MCUR1: variants seen among roughly 807,000 people sequenced by gnomAD.
MCUR1 encodes the protein MCU regulator 1.
MCUR1 carries 37 observed loss-of-function variants against 42.0 expected under a neutral mutation model. That is an observed-to-expected ratio of 0.88 (90% CI 0.68 to 1.16). MCUR1 has a LOEUF of 1.16. MCUR1 is among the 50% of genes most tolerant of loss of function. The pLI is 0.00. For synonymous variants in MCUR1, 229 were observed against 196.2 expected (o/e 1.17, Z -1.40); for missense variants, 469 against 468.4 (o/e 1.00, Z -0.01).
chr6:13,809,703 G>C (rs1355799744), intron 1 of MCUR1, among the ~76,000 whole-genome samples: 2 of 151,150 alleles, frequency 1.3e-5, no homozygotes, highest in African/African-American at 4.9e-5. Flanking sequence ...AGACCAACCT[G>C]GGCAACACTG....
At position 13,790,653 on chromosome 6, in the gene MCUR1, G is replaced by A. The variant is rs539785031; in HGVS notation, c.*156C>T. ...TTTTTAGTAGAGACGGGGTTTCACC[G>A]TGTTGGCCAGGCTGGTCTCGAACTC... On this transcript the variant is annotated 3_prime_UTR_variant, in exon 9 of 9. Transcript: ENST00000379170. 1.0e-3 allele frequency: 475 copies of A among 472,866 alleles called. 1 individual carries two copies. The highest frequency in any genetic ancestry group is 7.8e-3 in the South Asian group (364 of 46,724). 29.3% of individuals were successfully genotyped at this position (472,866 alleles called of 1,614,324 possible).
chr6:13,793,616 A>C (rs867229653), intron 7 of MCUR1, among the ~76,000 whole-genome samples: 1 of 152,192 alleles, frequency 6.6e-6, no homozygotes, highest in Non-Finnish European at 1.5e-5. Flanking sequence ...GGAATGTATA[A>C]AGGGTGCAGA....
Position 13,814,385 on chromosome 6 carries a change from G to T in MCUR1, c.45C>A (p.Pro15=). The T allele has an allele frequency of 6.5e-7, 1 of 1,534,474 alleles. No homozygotes were observed. Among genetic ancestry groups the T allele is most frequent in the East Asian group, 2.6e-5 (1 of 39,060 alleles). The stretch of plus-strand genomic sequence containing the variant: ...GCAAGAAGAGAAGCCGCTGGCGGCC[G>T]GGCAGGCGCTGGGTCCTCTGGCCGC... ...SVGGQRTQRL[P]GRQRLLFLPV... is the part of the protein sequence containing the mutation. Residue 15 remains proline, a synonymous_variant, in exon 1 of 9, where the codon CCC becomes CCA. Coordinates refer to ENST00000379170, the MANE Select transcript of MCUR1 (RefSeq NM_001031713.4).
intron 1 of MCUR1, among the ~76,000 whole-genome samples, chr6:13,808,587 A>G (rs1269953135): frequency 6.6e-6 from 1 of 152,218 alleles, no homozygotes; most frequent in African/African-American, 2.4e-5. Flanking sequence ...AGAAACCACT[A>G]GGTAATCCAA....
chr6:13,811,070 A>G (rs1760223111), intron 1 of MCUR1, among the ~76,000 whole-genome samples: 1 of 152,142 alleles, frequency 6.6e-6, no homozygotes, highest in African/African-American at 2.4e-5. Flanking sequence ...TAAATTGCCA[A>G]TTTACTGAGT....
chr6:13,800,275 A>G, intron 5 of MCUR1, 66 bp downstream of exon 5: 1 of 1,056,058 alleles, frequency 9.5e-7, no homozygotes, highest in South Asian at 1.6e-5. Flanking sequence ...TCCATTTCTA[A>G]TATTATACTT....
intron 1 of MCUR1, among the ~76,000 whole-genome samples, chr6:13,812,694 T>C (rs1019098766): frequency 1.2e-4 from 18 of 152,216 alleles, no homozygotes; most frequent in African/African-American, 4.1e-4. Flanking sequence ...CAGCCAATGA[T>C]ATTCTTAAAT....
intron 2 of MCUR1, chr6:13,804,256 G>T (rs1351487103): frequency 5.0e-6 from 1 of 198,922 alleles, no homozygotes; most frequent in Non-Finnish European, 1.1e-5. Context: ...CCGGGAGGTG[G>T]GGGTTGCAGT....
intron 6 of MCUR1, among the ~76,000 whole-genome samples, chr6:13,796,241 T>A (rs1176862728): frequency 6.6e-6 from 1 of 152,032 alleles, no homozygotes; most frequent in Admixed American, 6.6e-5. Context: ...TCCAATAATT[T>A]AAAAATATGA....
rs956224557 is a variant in MCUR1 at position 13,789,987 on chromosome 6, C to A, written c.*822G>T. ...GGAAATCAAAAGAAAAGAAGGTAGACGTGCAGCTGTCTTATTAACATGACA... is the reference window on the plus strand; with the variant it reads ...GGAAATCAAAAGAAAAGAAGGTAGAAGTGCAGCTGTCTTATTAACATGACA... On this transcript the variant is annotated 3_prime_UTR_variant, in exon 9 of 9. Transcript: ENST00000379170. 1 of 152,176 alleles carries A rather than the reference C, an allele frequency of 6.6e-6. No individual in the cohort carries two copies. Among genetic ancestry groups the A allele is most frequent in the African/African-American group, 2.4e-5 (1 of 41,424 alleles). 9.4% of individuals were successfully genotyped at this position (152,176 alleles called of 1,614,324 possible).
intron 2 of MCUR1, among the ~76,000 whole-genome samples, chr6:13,804,814 A>T (rs964267732): frequency 4.7e-5 from 7 of 148,804 alleles, no homozygotes; most frequent in African/African-American, 1.8e-4. Flanking sequence ...AAAAAAAAAA[A>T]GTGGAAGTCT....
intron 1 of MCUR1, among the ~76,000 whole-genome samples, chr6:13,811,076 T>A (rs1229067678): frequency 1.3e-5 from 2 of 152,228 alleles, no homozygotes; most frequent in African/African-American, 4.8e-5. Context: ...GCCAATTTAC[T>A]GAGTATACAT....
chr6:13,805,541 A>G (rs1760096486), intron 2 of MCUR1, among the ~76,000 whole-genome samples: 1 of 152,228 alleles, frequency 6.6e-6, no homozygotes, highest in African/African-American at 2.4e-5. Context: ...GAGAAGGGGA[A>G]AAAAGCTTCC....
Position 13,788,732 on chromosome 6 carries a change from ATATT to A in MCUR1, c.*2073_*2076del, listed in dbSNP as rs1759659559. 1 of 152,222 alleles carries A rather than the reference ATATT, an allele frequency of 6.6e-6. No individual in the cohort carries two copies. The highest frequency in any genetic ancestry group is 1.5e-5 in the Non-Finnish European group (1 of 68,038). The allele number at this position is 152,222 out of a possible 1,614,324, so 9.4% of individuals were successfully genotyped here. On this transcript the variant is annotated 3_prime_UTR_variant, in exon 9 of 9. Transcript: ENST00000379170. ...GAAAGGGGGATGATATATTGATAAAATATTTTATTAATCAGTTAAGAATTTTTGA... is the reference window on the plus strand; with the variant it reads ...GAAAGGGGGATGATATATTGATAAAATTATTAATCAGTTAAGAATTTTTGA...
chr6:13,798,893 G>T lies in MCUR1; in HGVS notation c.795C>A (p.Ile265=), dbSNP rs762869084. Residue 265 remains isoleucine (I), a synonymous_variant, in exon 6 of 9, where the codon ATC becomes ATA. Coordinates refer to ENST00000379170, the MANE Select transcript of MCUR1 (RefSeq NM_001031713.4). The part of the protein sequence containing the change: ...QLKQQVMDEV[I]KVRTDTKLDF... ...CTAATTTGGTATCTGTTCGGACTTT[G>T]ATCACTTCATCCTAAAAGGAGGGCA... The T allele has an allele frequency of 6.3e-7, 1 of 1,597,944 alleles. No individual in the cohort carries two copies. Among genetic ancestry groups the T allele is most frequent in the East Asian group, 2.2e-5 (1 of 44,782 alleles).
intron 2 of MCUR1, chr6:13,804,041 C>T: frequency 1.0e-6 from 1 of 976,448 alleles, no homozygotes; most frequent in Non-Finnish European, 1.2e-6. Flanking sequence ...GGTTTGGCAA[C>T]TGGACACAGT....
intron 6 of MCUR1, among the ~76,000 whole-genome samples, chr6:13,796,291 C>CTTTTTTT (rs369077522): frequency 1.0e-4 from 14 of 139,264 alleles, no homozygotes; most frequent in African/African-American, 3.8e-4. Context: ...TTTTTCTTTT[C>CTTTTTTT]TTTTTTTTTT....
At position 13,806,964 on chromosome 6, in the gene MCUR1, A is replaced by G; in HGVS notation, c.496T>C (p.Phe166Leu). The G allele has an allele frequency of 1.2e-6, 2 of 1,613,602 alleles. No individual in the cohort carries two copies. Among genetic ancestry groups the G allele is most frequent in the Non-Finnish European group, 1.7e-6 (2 of 1,179,556 alleles). The change falls in exon 2 of 9, where the codon TTC becomes CTC. Residue 166 changes from phenylalanine (F) to leucine (L), a missense_variant. Transcript: ENST00000379170. ...FTSSGSRKLY[F>L]DTHALVCLLE... ...AAGCACACTAAGGCATGAGTGTCGA[A>G]GTAGAGTTTCCTGCTCCCAGAAGAG...
chr6:13,804,322 CAAAAAAAAAAAAAAAA>C lies in MCUR1; in HGVS notation c.536-1992_536-1977del, dbSNP rs747622585. The C allele has an allele frequency of 8.1e-4, 17 of 21,078 alleles. 1 individual carries two copies. Among genetic ancestry groups the C allele is most frequent in the African/African-American group, 1.7e-3 (14 of 8,354 alleles). The allele number at this position is 21,078 out of a possible 1,614,324, so 1.3% of individuals were successfully genotyped here. On this transcript the variant is annotated intron_variant, in intron 2 of 8. Transcript: ENST00000379170. ...TGGATGAAAGAGTGAGATTCTGTCTCAAAAAAAAAAAAAAAAAAAAAAAAAAGAAAAAAATTAGGTT... is the reference window on the plus strand; with the variant it reads ...TGGATGAAAGAGTGAGATTCTGTCTCAAAAAAAAAAGAAAAAAATTAGGTT...
Sources: gnomAD v4.1 joint callset for allele counts (sites outside exome capture counted in the v4.1 genomes callset) on GRCh38, gnomAD v4.1.1 for gene constraint, MANE v1.5 for transcripts, NCBI Gene and HGNC (gene_info 2026-07-23, HGNC 2026-07-21) for gene names.